Variants in VAT1L observed in about 807,000 individuals in gnomAD.
VAT1L encodes putative NADPH-dependent quinone oxidoreductase VAT1L.
In VAT1L, 34 loss-of-function variants were observed where a neutral mutation model predicts 44.1. The ratio of observed to expected loss-of-function variants is 0.77; its 90% CI spans 0.59 to 1.03. The LOEUF (loss-of-function observed/expected upper bound fraction) is 1.03. VAT1L is among the 50% of genes least tolerant of loss of function. VAT1L has a pLI of 0.00. For missense variants in VAT1L, 615 were observed against 538.8 expected (o/e 1.14, Z -1.40); for synonymous variants, 253 against 202.2 (o/e 1.25, Z -2.13).
In VAT1L at chr16:77,825,297, G is replaced by A; in HGVS notation, c.415G>A (p.Val139Ile). 1 of 1,614,178 alleles carries A rather than the reference G, an allele frequency of 6.2e-7. No individual in the cohort carries two copies. The highest frequency in any genetic ancestry group is 8.5e-7 in the Non-Finnish European group (1 of 1,180,048). Residue 139 changes from valine to isoleucine, a missense_variant, in exon 3 of 9, where the codon GTC (valine) becomes ATC (isoleucine). Val to Ile is a conservative substitution (Grantham distance 29, BLOSUM62 3). Coordinates refer to ENST00000302536, the MANE Select transcript of VAT1L (RefSeq NM_020927.3). ...FVNYNAWAEV[V>I]CTPVEFVYKI... ...CAATTACAATGCCTGGGCAGAGGTG[G>A]TCTGCACACCAGTGGAGTTTGTCTA...
At chr16:77,968,327 A>G (rs2018244517) in intron 7 of VAT1L, among the ~76,000 whole-genome samples, 2 of 152,214 alleles carry the variant, frequency 1.3e-5, no homozygotes, top group African/African-American at 2.4e-5. Context: ...AGTTCAAGAA[A>G]GTCAAGTGGT....
intron 7 of VAT1L, among the ~76,000 whole-genome samples, chr16:77,923,429 G>A (rs1211953444): frequency 2.6e-5 from 4 of 152,170 alleles, no homozygotes; most frequent in African/African-American, 7.2e-5. Flanking sequence ...TAGCCTGGGA[G>A]ACAGAGCAAG....
chr16:77,823,645 T>G (rs1044844266), intron 2 of VAT1L, among the ~76,000 whole-genome samples: 5 of 152,214 alleles, frequency 3.3e-5, no homozygotes, highest in African/African-American at 1.2e-4. Context: ...GTAGATTAAC[T>G]GACAAAATGA....
At chr16:77,891,684 G>C (rs2017267081) in intron 7 of VAT1L, among the ~76,000 whole-genome samples, 1 of 152,212 alleles carries the variant, frequency 6.6e-6, no homozygotes, top group Admixed American at 6.5e-5. Context: ...AACCTGTACA[G>C]AGATAGACTG....
intron 1 of VAT1L, among the ~76,000 whole-genome samples, chr16:77,792,189 C>A (rs1386767584): frequency 6.6e-6 from 1 of 152,130 alleles, no homozygotes; most frequent in Non-Finnish European, 1.5e-5. Context: ...TTGTGACTGT[C>A]GTTGTTGCCA....
At chr16:77,789,019 C>A in intron 1 of VAT1L, 104 bp downstream of exon 1, 1 of 1,313,174 alleles carries the variant, frequency 7.6e-7, no homozygotes, top group Non-Finnish European at 1.0e-6. Flanking sequence ...AGAACCGCCG[C>A]GCGCACCCCC....
rs188670187 is a variant in VAT1L at position 77,902,312 on chromosome 16, T to A, written c.1077+17510T>A. Among the ~76,000 whole-genome samples, 2 of 152,342 alleles carry A rather than the reference T, an allele frequency of 1.3e-5. 1 individual carries two copies. The highest frequency in any genetic ancestry group is 3.9e-4 in the East Asian group (2 of 5,168). ...CTCATCTGTATATGTCAAGGGACAA[T>A]AGTCAATGGGGTTTTTTATATAATT... On this transcript the variant is annotated intron_variant, in intron 7 of 8. Coordinates refer to ENST00000302536, the MANE Select transcript of VAT1L (RefSeq NM_020927.3).
intron 2 of VAT1L, among the ~76,000 whole-genome samples, chr16:77,818,911 T>C (rs1216687622): frequency 2.6e-5 from 4 of 152,186 alleles, no homozygotes; most frequent in Non-Finnish European, 5.9e-5. Flanking sequence ...ATAGCTCTCT[T>C]GGTTTGATAG....
chr16:77,963,181 A>G (rs1477510417), intron 7 of VAT1L, among the ~76,000 whole-genome samples: 2 of 152,180 alleles, frequency 1.3e-5, no homozygotes, highest in African/African-American at 4.8e-5. Context: ...ACGTGCCCAC[A>G]TCCTCATCCC....
At chr16:77,914,540 C>T (rs748313333) in intron 7 of VAT1L, among the ~76,000 whole-genome samples, 2 of 152,264 alleles carry the variant, frequency 1.3e-5, no homozygotes, top group Non-Finnish European at 1.5e-5. Flanking sequence ...ATGTAAATAA[C>T]GCAAATTAAA....
chr16:77,824,011 G>A (rs1317736257), intron 2 of VAT1L, among the ~76,000 whole-genome samples: 2 of 151,968 alleles, frequency 1.3e-5, no homozygotes, highest in Admixed American at 6.6e-5. Flanking sequence ...AAACAAGAGC[G>A]AAACTCCATC....
intron 3 of VAT1L, among the ~76,000 whole-genome samples, chr16:77,826,797 A>G (rs112316215): frequency 1.3e-5 from 2 of 152,224 alleles, no homozygotes; most frequent in African/African-American, 2.4e-5. Flanking sequence ...CTCTGTGGAT[A>G]TAGAGATTAA....
Position 77,788,924 on chromosome 16 carries a change from TC to T in VAT1L, c.233+11del, listed in dbSNP as rs758411244. On this transcript the variant is annotated intron_variant, in intron 1 of 8. Coordinates refer to ENST00000302536, the MANE Select transcript of VAT1L (RefSeq NM_020927.3). ...ATCCGCGTCAAAGCCTGGTCCAGTA[TC>T]CGCGCCTTTCTCGCTTTCTCTCTTT... 54 of 1,469,790 alleles carry T rather than the reference TC, an allele frequency of 3.7e-5. No individual in the cohort carries two copies. The East Asian group carries it at 1.4e-3, about 37-fold the overall frequency. The allele number at this position is 1,469,790 out of a possible 1,614,324, so 91.0% of individuals were successfully genotyped here.
chr16:77,823,489 A>G (rs1328026128), intron 2 of VAT1L, among the ~76,000 whole-genome samples: 3 of 152,176 alleles, frequency 2.0e-5, no homozygotes, highest in Non-Finnish European at 4.4e-5. Flanking sequence ...ATATGCAAAC[A>G]TGGCGGGTGC....
Position 77,962,183 on chromosome 16 carries a change from G to A in VAT1L, c.1078-9667G>A, listed in dbSNP as rs145832350. On this transcript the variant is annotated intron_variant, in intron 7 of 8. Transcript: ENST00000302536. ...GAGTGCAAATGGAGGATCCCAGCCC[G>A]TGGTCAGTCCCCTTCTGTCTCCACC... Among the ~76,000 whole-genome samples the A allele has an allele frequency of 4.8e-3, 730 of 152,164 alleles. 18 individuals are homozygous for A. The highest frequency in any genetic ancestry group is 0.038 in the Admixed American group (578 of 15,290).
intron 7 of VAT1L, among the ~76,000 whole-genome samples, chr16:77,937,184 C>T (rs1467901145): frequency 6.6e-6 from 1 of 152,156 alleles, no homozygotes; most frequent in Admixed American, 6.5e-5. Flanking sequence ...TCCTGCCCAA[C>T]CTGAGGGTTT....
intron 1 of VAT1L, among the ~76,000 whole-genome samples, chr16:77,801,905 G>A (rs1375083798): frequency 6.6e-6 from 1 of 151,966 alleles, no homozygotes; most frequent in South Asian, 2.1e-4. Context: ...TTCCTACTGG[G>A]GACCTCATAA....
At chr16:77,894,741 T>A (rs888636302) in intron 7 of VAT1L, among the ~76,000 whole-genome samples, 30 of 152,178 alleles carry the variant, frequency 2.0e-4, no homozygotes, top group Non-Finnish European at 1.2e-4. Context: ...TATAGAGATA[T>A]CATATATATG....
At chr16:77,788,990 G>A in intron 1 of VAT1L, 75 bp downstream of exon 1, 3 of 1,413,912 alleles carry the variant, frequency 2.1e-6, no homozygotes, top group South Asian at 3.0e-5. Flanking sequence ...GAAAGCTGCG[G>A]CTGGGATGCT....
Sources: allele counts gnomAD v4.1 joint callset (sites outside exome capture counted in the v4.1 genomes callset), GRCh38; gene constraint gnomAD v4.1.1; transcripts MANE v1.5; gene names NCBI Gene and HGNC (gene_info 2026-07-23, HGNC 2026-07-21).